The following PIAS2 variants were observed in gnomAD, a reference collection of about 807,000 sequenced individuals.
PIAS2 encodes E3 SUMO-protein ligase PIAS2.
In PIAS2, 19 loss-of-function variants were observed where a neutral mutation model predicts 69.7. The ratio of observed to expected loss-of-function variants is 0.27; its 90% CI spans 0.19 to 0.40. PIAS2 has a LOEUF of 0.40. Ranked by LOEUF, PIAS2 falls within the 10% of genes least tolerant of loss-of-function variation. PIAS2 has a pLI of 1.00. For missense variants in PIAS2, 624 were observed against 757.0 expected, an observed-to-expected ratio of 0.82 and a Z score of 2.06; for synonymous variants, 261 against 263.2, an observed-to-expected ratio of 0.99 and a Z score of 0.08.
intron 9 of PIAS2, among the ~76,000 whole-genome samples, chr18:46,834,366 G>A (rs192012473): frequency 4.6e-5 from 7 of 152,296 alleles, no homozygotes; most frequent in Admixed American, 4.6e-4. Flanking sequence ...TTTGGCACAT[G>A]TGGACAGAGA....
rs535643189 is a variant in PIAS2 at position 46,844,026 on chromosome 18, C to T, written c.1041+28G>A. 2.5e-5 allele frequency: 33 copies of T among 1,342,780 alleles called. No homozygotes were observed. The Admixed American group carries it at 8.3e-4, about 34-fold the overall frequency. 83.2% of individuals were successfully genotyped at this position (1,342,780 alleles called of 1,614,324 possible). A position where few individuals can be genotyped will look rare whatever the true frequency, so the allele number is the denominator to read the frequency against. On this transcript the variant is annotated intron_variant, in intron 8 of 13. Coordinates refer to ENST00000585916, the MANE Select transcript of PIAS2 (RefSeq NM_004671.5). ...TTAATCATTTATAAAAAGTCAAATT[C>T]CCCAAAATGTTTTGTTGCTTTACTT...
chr18:46,845,736 T>C (rs1299900336), intron 6 of PIAS2, among the ~76,000 whole-genome samples: 1 of 151,182 alleles, frequency 6.6e-6, no homozygotes, highest in Admixed American at 6.6e-5. Context: ...ATTTTAAATA[T>C]TTTTTAATGT....
chr18:46,895,983 A>G (rs2054800487), intron 1 of PIAS2, among the ~76,000 whole-genome samples: 1 of 152,048 alleles, frequency 6.6e-6, no homozygotes, highest in African/African-American at 2.4e-5. Context: ...ATTGAAAATC[A>G]ACTATTAAGA....
intron 5 of PIAS2, among the ~76,000 whole-genome samples, chr18:46,848,187 T>C (rs1331414741): frequency 6.6e-6 from 1 of 152,214 alleles, no homozygotes; most frequent in East Asian, 1.9e-4. Flanking sequence ...TAAAACTGTA[T>C]TTCATTCCAC....
chr18:46,812,600 TAGG>T lies in PIAS2; in HGVS notation c.1696_1698del (p.Pro566del), dbSNP rs756809608. The stretch of plus-strand genomic sequence containing the variant: ...GGTGAGGTGAGACTATCCAAAAACA[TAGG>T]AGGACAGTACTGCTTGAAACAAACA... On this transcript the variant is annotated inframe_deletion, in exon 14 of 14. Transcript: ENST00000585916. The T allele has an allele frequency of 1.2e-6, 2 of 1,611,026 alleles. No homozygotes were observed. The highest frequency in any genetic ancestry group is 1.7e-6 in the Non-Finnish European group (2 of 1,177,468).
At chr18:46,867,653 C>A (rs1261084785) in intron 2 of PIAS2, among the ~76,000 whole-genome samples, 1 of 152,118 alleles carries the variant, frequency 6.6e-6, no homozygotes, top group East Asian at 1.9e-4. Context: ...TTTATTCAAA[C>A]CTTTCCTTTT....
chr18:46,840,222 T>C (rs55754830), intron 8 of PIAS2, among the ~76,000 whole-genome samples: 1,705 of 152,222 alleles, frequency 0.011, 17 homozygotes, highest in Non-Finnish European at 0.017. Context: ...ATGTGGGCTA[T>C]AGTTATCAAT....
At position 46,812,384 on chromosome 18, in the gene PIAS2, A is replaced by T. The variant is rs1247536256; in HGVS notation, c.*49T>A. ...AACGTTTCCACAGACTAGAGATCCA[A>T]GAAAAAGCAGTTCTGATGAATGATT... On this transcript the variant is annotated 3_prime_UTR_variant, in exon 14 of 14. Transcript: ENST00000585916. The T allele has an allele frequency of 8.3e-7, 1 of 1,210,624 alleles. No homozygotes were observed. The highest frequency in any genetic ancestry group is 1.4e-5 in the South Asian group (1 of 69,372). The allele number at this position is 1,210,624 out of a possible 1,614,324, so 75.0% of individuals were successfully genotyped here.
At chr18:46,831,669 A>C (rs1024090404) in intron 9 of PIAS2, among the ~76,000 whole-genome samples, 2 of 152,224 alleles carry the variant, frequency 1.3e-5, no homozygotes, top group African/African-American at 2.4e-5. Context: ...TAGTCAATTA[A>C]TTTTTGTAAA....
At chr18:46,833,935 T>C (rs2145052136) in intron 9 of PIAS2, among the ~76,000 whole-genome samples, 1 of 152,298 alleles carries the variant, frequency 6.6e-6, no homozygotes, top group East Asian at 1.9e-4. Flanking sequence ...GGATCACCTA[T>C]TCCCTACTGT....
At chr18:46,860,525 T>G (rs2048495449) in intron 3 of PIAS2, among the ~76,000 whole-genome samples, 1 of 152,012 alleles carries the variant, frequency 6.6e-6, no homozygotes, top group Non-Finnish European at 1.5e-5. Context: ...TCAAAGTGGG[T>G]TTCAGGGAGA....
At position 46,810,316 on chromosome 18, in the gene PIAS2, GGA is replaced by G. The variant is rs1315001200; in HGVS notation, c.*2115_*2116del. 2 of 151,902 alleles carry G rather than the reference GGA, an allele frequency of 1.3e-5. No individual in the cohort carries two copies. The highest frequency in any genetic ancestry group is 2.9e-5 in the Non-Finnish European group (2 of 67,994). 9.4% of individuals were successfully genotyped at this position (151,902 alleles called of 1,614,324 possible). On this transcript the variant is annotated 3_prime_UTR_variant, in exon 14 of 14. Coordinates refer to ENST00000585916, the MANE Select transcript of PIAS2 (RefSeq NM_004671.5). ...ATAAAACTTTGTTGATTAAATTGGG[GGA>G]GTCTCTGACAATCTAAAGGGTAACA...
In PIAS2 at chr18:46,811,521, T is replaced by C. The variant is rs1163819563; in HGVS notation, c.*912A>G. 2.0e-5 allele frequency: 3 copies of C among 152,186 alleles called. No homozygotes were observed. Among genetic ancestry groups the C allele is most frequent in the Admixed American group, 1.3e-4 (2 of 15,266 alleles). The allele number at this position is 152,186 out of a possible 1,614,324, so 9.4% of individuals were successfully genotyped here. A position where few individuals can be genotyped will look rare whatever the true frequency, so the allele number is the denominator to read the frequency against. ...CTGCTCTTCTGCTGGCTCCAAGATA[T>C]CAATATTTGATAGTGTGAACAAATT... On this transcript the variant is annotated 3_prime_UTR_variant, in exon 14 of 14. Transcript: ENST00000585916.
Position 46,890,911 on chromosome 18 carries a change from T to C in PIAS2, c.168A>G (p.Lys56=). The C allele has an allele frequency of 3.7e-6, 6 of 1,614,204 alleles. No homozygotes were observed. The highest frequency in any genetic ancestry group is 5.1e-6 in the Non-Finnish European group (6 of 1,180,040). Residue 56 remains lysine (K), a synonymous_variant, in exon 2 of 14, where the codon AAA becomes AAG. Transcript: ENST00000585916. ...KSGCSPAVQI[K]IRELYRRRYP... is the part of the protein sequence containing the mutation. ...ATCGGCGTCTATACAATTCTCGGAT[T>C]TTAATCTGAACCGCAGGGCTGCAGC...
chr18:46,874,375 C>T (rs897914106), intron 2 of PIAS2, among the ~76,000 whole-genome samples: 12 of 152,254 alleles, frequency 7.9e-5, no homozygotes, highest in Admixed American at 6.5e-4. Flanking sequence ...AATATCATAC[C>T]TAGGTTTGGA....
chr18:46,900,530 A>T (rs2055648559), intron 1 of PIAS2, among the ~76,000 whole-genome samples: 1 of 151,862 alleles, frequency 6.6e-6, no homozygotes, highest in African/African-American at 2.4e-5. Flanking sequence ...GTTTTTAATT[A>T]CCACGGCTTG....
chr18:46,856,608 T>G (rs1466984353), intron 3 of PIAS2, among the ~76,000 whole-genome samples: 1 of 152,178 alleles, frequency 6.6e-6, no homozygotes, highest in Non-Finnish European at 1.5e-5. Flanking sequence ...ACTTATTCCT[T>G]AGGAGCTTGT....
chr18:46,862,630 T>C (rs185845165), intron 3 of PIAS2, among the ~76,000 whole-genome samples: 123 of 152,050 alleles, frequency 8.1e-4, no homozygotes, highest in Non-Finnish European at 1.1e-3. Flanking sequence ...TATACATATA[T>C]ACATACATAT....
At chr18:46,884,816 C>T (rs2052879708) in intron 2 of PIAS2, among the ~76,000 whole-genome samples, 1 of 151,940 alleles carries the variant, frequency 6.6e-6, no homozygotes, top group Non-Finnish European at 1.5e-5. Flanking sequence ...ACTCGGGAGG[C>T]TGAGGCAGGA....
Sources: allele counts gnomAD v4.1 joint callset (sites outside exome capture counted in the v4.1 genomes callset), GRCh38; gene constraint gnomAD v4.1.1; transcripts MANE v1.5; gene names NCBI Gene and HGNC (gene_info 2026-07-23, HGNC 2026-07-21).